The following NRXN1 variants were observed in gnomAD, a reference collection of about 807,000 sequenced individuals.
NRXN1 encodes the protein neurexin-1.
Under a neutral mutation model 150.9 loss-of-function variants are expected in NRXN1, and 39 were observed. That is an observed-to-expected ratio of 0.26 (90% CI 0.20 to 0.34). The LOEUF (loss-of-function observed/expected upper bound fraction) is 0.34, where lower values mean the gene tolerates loss of function less well. Among genes scored for constraint, NRXN1 ranks in the 10% least tolerant of loss-of-function variants. The pLI is 1.00. For missense variants in NRXN1, 1,815 were observed against 1,949.9 expected (o/e 0.93, Z 1.30); for synonymous variants, 924 against 757.0 (o/e 1.22, Z -3.62).
At chr2:50,441,968 A>C (rs954096178) in intron 17 of NRXN1, among the ~76,000 whole-genome samples, 1 of 152,194 alleles carries the variant, frequency 6.6e-6, no homozygotes, top group Non-Finnish European at 1.5e-5. Context: ...ATATGTTTAC[A>C]GAGTTGGATC....
At chr2:50,805,257 C>T (rs1667361524) in intron 5 of NRXN1, among the ~76,000 whole-genome samples, 1 of 151,940 alleles carries the variant, frequency 6.6e-6, no homozygotes, top group African/African-American at 2.4e-5. Context: ...TTTTATTACA[C>T]CTCTAAAAAC....
chr2:50,414,821 G>A (rs1003243015), intron 17 of NRXN1, among the ~76,000 whole-genome samples: 7 of 152,036 alleles, frequency 4.6e-5, no homozygotes, highest in Middle Eastern at 3.4e-3. Flanking sequence ...TCATATGAAC[G>A]TTCGTAATAC....
At chr2:50,015,609 A>G (rs775383133) in intron 21 of NRXN1, among the ~76,000 whole-genome samples, 10 of 151,672 alleles carry the variant, frequency 6.6e-5, no homozygotes, top group East Asian at 1.9e-4. Context: ...CTTCTGTATA[A>G]TATTATGACA....
At chr2:50,861,856 T>C (rs1286320954) in intron 5 of NRXN1, among the ~76,000 whole-genome samples, 1 of 152,056 alleles carries the variant, frequency 6.6e-6, no homozygotes, top group African/African-American at 2.4e-5. Flanking sequence ...ATAAGTGTAT[T>C]AATAGATTGT....
chr2:50,370,819 C>A (rs950264887), intron 17 of NRXN1, among the ~76,000 whole-genome samples: 5 of 151,926 alleles, frequency 3.3e-5, no homozygotes, highest in Admixed American at 1.3e-4. Flanking sequence ...TCTTCCTAAT[C>A]CTTTCTACTT....
intron 17 of NRXN1, among the ~76,000 whole-genome samples, chr2:50,265,968 A>G (rs1031343103): frequency 5.8e-5 from 5 of 86,566 alleles, no homozygotes; most frequent in Admixed American, 2.3e-4. Context: ...TTTCTTTGTT[A>G]TTATTATTAT....
intron 5 of NRXN1, among the ~76,000 whole-genome samples, chr2:50,885,122 A>G (rs1216463095): frequency 6.6e-6 from 1 of 151,614 alleles, no homozygotes. Context: ...CTGTAACTAT[A>G]GCAACCTTGC....
At chr2:49,992,172 G>A (rs1378069802) in intron 21 of NRXN1, among the ~76,000 whole-genome samples, 3 of 152,098 alleles carry the variant, frequency 2.0e-5, no homozygotes, top group Admixed American at 1.3e-4. Context: ...GTATGGCACT[G>A]ACTTTTTAGA....
At chr2:50,263,157 T>TAC (rs58442373) in intron 17 of NRXN1, among the ~76,000 whole-genome samples, 23,317 of 147,062 alleles carry the variant, frequency 0.16, 1,912 homozygotes, top group East Asian at 0.31. Flanking sequence ...AAAACACACA[T>TAC]ACACACACAC....
intron 18 of NRXN1, among the ~76,000 whole-genome samples, chr2:50,213,748 T>C (rs771803218): frequency 4.6e-5 from 7 of 151,886 alleles, no homozygotes. Flanking sequence ...TCTAATCACT[T>C]TTAATTTCTT....
intron 17 of NRXN1, among the ~76,000 whole-genome samples, chr2:50,304,443 G>A (rs548429078): frequency 2.0e-5 from 3 of 152,114 alleles, no homozygotes; most frequent in Non-Finnish European, 4.4e-5. Flanking sequence ...TGGTAGCAAC[G>A]AACTATAGGT....
intron 18 of NRXN1, among the ~76,000 whole-genome samples, chr2:50,127,531 T>C (rs1383020428): frequency 6.6e-6 from 1 of 152,148 alleles, no homozygotes; most frequent in Non-Finnish European, 1.5e-5. Flanking sequence ...TACTTTCTCA[T>C]CCTCTTTCAC....
chr2:50,495,761 T>G, intron 15 of NRXN1, 144 bp downstream of exon 15: 1 of 576,702 alleles, frequency 1.7e-6, no homozygotes, highest in Non-Finnish European at 2.9e-6. Context: ...GAGGCTTGTG[T>G]GTTGTATTGT....
chr2:50,807,035 C>T (rs919448444), intron 5 of NRXN1, among the ~76,000 whole-genome samples: 14 of 152,036 alleles, frequency 9.2e-5, no homozygotes, highest in Admixed American at 5.2e-4. Context: ...GTAGCATACA[C>T]GCCAATCATC....
At chr2:49,993,540 G>T (rs1235558959) in intron 21 of NRXN1, among the ~76,000 whole-genome samples, 1 of 152,112 alleles carries the variant, frequency 6.6e-6, no homozygotes, top group Non-Finnish European at 1.5e-5. Flanking sequence ...TGTAACCTCT[G>T]GCCTTTGGTT....
chr2:50,132,205 T>C (rs1039825327), intron 18 of NRXN1, among the ~76,000 whole-genome samples: 4 of 152,094 alleles, frequency 2.6e-5, no homozygotes, highest in Non-Finnish European at 5.9e-5. Flanking sequence ...AAAAACCCCA[T>C]GTAACTCTAC....
In NRXN1 at chr2:50,368,799, C is replaced by T. The variant is rs375079592; in HGVS notation, c.3364+96643G>A. Among the ~76,000 whole-genome samples the T allele has an allele frequency of 2.3e-4, 35 of 152,072 alleles. No homozygotes were observed. In the Middle Eastern group the frequency reaches 0.02, roughly 89 times the overall value. The stretch of plus-strand genomic sequence containing the variant: ...AATAAGGAAGCACATATTGATGATA[C>T]TCAACATACATGAAGTGGAGTTTCC... On this transcript the variant is annotated intron_variant, in intron 17 of 22. Transcript: ENST00000401669.
At chr2:50,493,801 C>T (rs532860508) in intron 15 of NRXN1, among the ~76,000 whole-genome samples, 10 of 152,256 alleles carry the variant, frequency 6.6e-5, no homozygotes, top group African/African-American at 1.9e-4. Flanking sequence ...TAATGATTAG[C>T]CCCTTCACAT....
intron 5 of NRXN1, among the ~76,000 whole-genome samples, chr2:50,670,292 T>A (rs1348185873): frequency 6.6e-6 from 1 of 151,838 alleles, no homozygotes; most frequent in South Asian, 2.1e-4. Context: ...TAATCATTTA[T>A]CATTAAAAAA....
Sources: allele counts gnomAD v4.1 joint callset (sites outside exome capture counted in the v4.1 genomes callset), GRCh38; gene constraint gnomAD v4.1.1; transcripts MANE v1.5; gene names NCBI Gene and HGNC (gene_info 2026-07-23, HGNC 2026-07-21).